PPP3CB: variants seen among roughly 807,000 people sequenced by gnomAD.
PPP3CB encodes the protein serine/threonine-protein phosphatase 2B catalytic subunit beta isoform.
A neutral mutation model predicts 66.4 loss-of-function variants in PPP3CB; 8 were observed. The ratio of observed to expected loss-of-function variants is 0.12; its 90% CI spans 0.07 to 0.22. PPP3CB has a LOEUF of 0.22. Ranked by LOEUF, PPP3CB falls within the 10% of genes least tolerant of loss-of-function variation. The pLI is 1.00. For synonymous variants in PPP3CB, 208 were observed against 221.2 expected (o/e 0.94, Z 0.53); for missense variants, 319 against 642.5 (o/e 0.50, Z 5.44).
In PPP3CB at chr10:73,495,904, T is replaced by G; in HGVS notation, c.-15A>C. 1 of 528,672 alleles carries G rather than the reference T, an allele frequency of 1.9e-6. No individual in the cohort carries two copies. The highest frequency in any genetic ancestry group is 2.7e-6 in the Non-Finnish European group (1 of 373,992). The allele number at this position is 528,672 out of a possible 1,614,324, so 32.7% of individuals were successfully genotyped here. ...GGGGCGGCCATGCTGGGCCCGGGGC[T>G]CGGCTAGGCTCTGGGCCGGGCGGGG... On this transcript the variant is annotated 5_prime_UTR_variant, in exon 1 of 14. Coordinates refer to ENST00000360663, the MANE Select transcript of PPP3CB (RefSeq NM_021132.4).
chr10:73,444,541 A>C, intron 12 of PPP3CB, 184 bp downstream of exon 12: 1 of 1,523,882 alleles, frequency 6.6e-7, no homozygotes, highest in Non-Finnish European at 8.9e-7. Flanking sequence ...CCATTCTATC[A>C]GTTTTCTGCC....
intron 3 of PPP3CB, chr10:73,477,062 G>A (rs2056801769): frequency 2.1e-6 from 1 of 470,932 alleles, no homozygotes; most frequent in African/African-American, 2.0e-5. Context: ...ACATTGCCTG[G>A]CTATGCTGTT....
intron 10 of PPP3CB, among the ~76,000 whole-genome samples, chr10:73,447,142 C>T (rs543450681): frequency 3.9e-5 from 6 of 152,282 alleles, no homozygotes; most frequent in Non-Finnish European, 8.8e-5. Flanking sequence ...AACTAAGGGC[C>T]ATACCAGCAT....
chr10:73,480,659 G>A (rs1331333344), intron 1 of PPP3CB, among the ~76,000 whole-genome samples: 1 of 152,052 alleles, frequency 6.6e-6, no homozygotes, highest in Non-Finnish European at 1.5e-5. Flanking sequence ...TGGCCAGGCT[G>A]GTGTCGAACT....
chr10:73,489,909 C>G (rs902694784), intron 1 of PPP3CB, among the ~76,000 whole-genome samples: 1 of 152,122 alleles, frequency 6.6e-6, no homozygotes, highest in East Asian at 1.9e-4. Context: ...AGGACTACCT[C>G]GAAACATTAT....
At chr10:73,454,984 T>C (rs1354126026) in intron 9 of PPP3CB, among the ~76,000 whole-genome samples, 2 of 151,952 alleles carry the variant, frequency 1.3e-5, no homozygotes, top group African/African-American at 4.8e-5. Flanking sequence ...GAGATTCTCC[T>C]GCCTCAGCCT....
intron 1 of PPP3CB, among the ~76,000 whole-genome samples, chr10:73,494,592 G>A (rs778617417): frequency 1.3e-5 from 2 of 151,790 alleles, no homozygotes; most frequent in African/African-American, 2.4e-5. Flanking sequence ...ACCACGCCAG[G>A]CCAAATTAGT....
intron 4 of PPP3CB, among the ~76,000 whole-genome samples, chr10:73,472,732 A>C (rs957467292): frequency 6.6e-6 from 1 of 152,194 alleles, no homozygotes; most frequent in Non-Finnish European, 1.5e-5. Context: ...TAGCATGCTC[A>C]TGTCAGAAAA....
At position 73,495,933 on chromosome 10, in the gene PPP3CB, G is replaced by A; in HGVS notation, c.-44C>T. ...CTAGGCTCTGGGCCGGGCGGGGTTGGGGGCGGGGGCGGCGGCTACCAGAGC... is the reference window on the plus strand; with the variant it reads ...CTAGGCTCTGGGCCGGGCGGGGTTGAGGGCGGGGGCGGCGGCTACCAGAGC... On this transcript the variant is annotated 5_prime_UTR_variant, in exon 1 of 14. Coordinates refer to ENST00000360663, the MANE Select transcript of PPP3CB (RefSeq NM_021132.4). The A allele has an allele frequency of 1.9e-6, 2 of 1,050,278 alleles. No homozygotes were observed. The highest frequency in any genetic ancestry group is 2.4e-6 in the Non-Finnish European group (2 of 825,826). 65.1% of individuals were successfully genotyped at this position (1,050,278 alleles called of 1,614,324 possible).
At position 73,448,626 on chromosome 10, in the gene PPP3CB, T is replaced by C. The variant is rs779717264; in HGVS notation, c.1187-2053A>G. 1.5e-5 allele frequency: 8 copies of C among 532,922 alleles called. 1 individual carries two copies. Among genetic ancestry groups the C allele is most frequent in the Non-Finnish European group, 7.7e-6 (2 of 259,872 alleles). The allele number at this position is 532,922 out of a possible 1,614,324, so 33.0% of individuals were successfully genotyped here. ...ATGGACATGAAGATAACTTATGAAG[T>C]CATATTTCAAAACAATGTTACTCTG... On this transcript the variant is annotated intron_variant, in intron 10 of 13. Coordinates refer to ENST00000360663, the MANE Select transcript of PPP3CB (RefSeq NM_021132.4).
At chr10:73,448,583 A>G (rs1426109622) in intron 10 of PPP3CB, 1 of 530,312 alleles carries the variant, frequency 1.9e-6, no homozygotes, top group African/African-American at 1.9e-5. Context: ...ACATTACTCA[A>G]TGAATGTGCT....
intron 3 of PPP3CB, chr10:73,477,152 A>G (rs1370810850): frequency 1.9e-6 from 1 of 518,712 alleles, no homozygotes; most frequent in East Asian, 5.4e-5. Context: ...AAACAACAGT[A>G]CTTACCTCAT....
chr10:73,476,621 A>T (rs1294826385), intron 3 of PPP3CB, among the ~76,000 whole-genome samples: 2 of 122,090 alleles, frequency 1.6e-5, no homozygotes, highest in East Asian at 2.1e-4. Context: ...CATCTCAATT[A>T]AAAAAAAAAA....
chr10:73,448,756 A>G, intron 10 of PPP3CB: 1 of 532,830 alleles, frequency 1.9e-6, no homozygotes, highest in Non-Finnish European at 3.8e-6. Flanking sequence ...GACAAATAAA[A>G]AGATAGAGAT....
At chr10:73,468,681 T>C (rs1038058948) in intron 8 of PPP3CB, among the ~76,000 whole-genome samples, 5 of 152,238 alleles carry the variant, frequency 3.3e-5, no homozygotes, top group Non-Finnish European at 7.4e-5. Context: ...CCAACATTTG[T>C]GATTGTGGCT....
Position 73,487,461 on chromosome 10 carries a change from T to C in PPP3CB, c.86-7944A>G, listed in dbSNP as rs1460773282. On this transcript the variant is annotated intron_variant, in intron 1 of 13. Coordinates refer to ENST00000360663, the MANE Select transcript of PPP3CB (RefSeq NM_021132.4). ...TACTTGGGAGGCTGAGGCAGGAGAG[T>C]TGCTTGAACCTGGGAGGCAGAGGTT... is the stretch of plus-strand genomic sequence containing the variant. Among the ~76,000 whole-genome samples the C allele has an allele frequency of 6.2e-5, 9 of 145,720 alleles. No homozygotes were observed. The East Asian group carries it at 1.4e-3, about 23-fold the overall frequency.
chr10:73,438,550 C>T, intron 13 of PPP3CB, 130 bp from the exon 14 acceptor site: 3 of 752,174 alleles, frequency 4.0e-6, no homozygotes, highest in Non-Finnish European at 6.6e-6. Flanking sequence ...CTTACTTTAA[C>T]TGAATCCTAT....
chr10:73,466,878 A>G (rs934096872), intron 9 of PPP3CB: 8 of 152,322 alleles, frequency 5.3e-5, no homozygotes, highest in Admixed American at 4.6e-4. Flanking sequence ...TATGAAAAAA[A>G]TTAACTTAAA....
intron 10 of PPP3CB, among the ~76,000 whole-genome samples, chr10:73,450,507 A>G (rs949224703): frequency 1.3e-5 from 2 of 151,986 alleles, no homozygotes; most frequent in Non-Finnish European, 2.9e-5. Flanking sequence ...AACCATTCCC[A>G]TTTCTCCATG....
Sources: gnomAD v4.1 joint callset for allele counts (sites outside exome capture counted in the v4.1 genomes callset) on GRCh38, gnomAD v4.1.1 for gene constraint, MANE v1.5 for transcripts, NCBI Gene and HGNC (gene_info 2026-07-23, HGNC 2026-07-21) for gene names.